Variants in SCAPER observed in about 807,000 individuals in gnomAD.
The protein encoded by SCAPER is S-phase cyclin A associated protein in the ER.
A neutral mutation model predicts 182.2 loss-of-function variants in SCAPER; 98 were observed. The observed-to-expected ratio is 0.54, with a 90% CI of 0.46 to 0.64. The LOEUF (loss-of-function observed/expected upper bound fraction) is 0.64. SCAPER is among the 30% of genes least tolerant of loss of function. The pLI is 0.00. For missense variants in SCAPER, 1,432 were observed against 1,690.0 expected (o/e 0.85, Z 2.68); for synonymous variants, 605 against 564.6 (o/e 1.07, Z -1.01).
intron 22 of SCAPER, among the ~76,000 whole-genome samples, chr15:76,608,853 G>GT: frequency 6.6e-6 from 1 of 152,216 alleles, no homozygotes; most frequent in East Asian, 1.9e-4. Context: ...CTGGTGTGCC[G>GT]TTTTTTAAGC....
At chr15:76,465,965 CACG>C (rs763866082) in intron 25 of SCAPER, among the ~76,000 whole-genome samples, 2 of 152,070 alleles carry the variant, frequency 1.3e-5, no homozygotes, top group African/African-American at 2.4e-5. Flanking sequence ...TTCCCTAGTA[CACG>C]ACAAGTCACT....
At chr15:76,575,075 C>G (rs1430195160) in intron 22 of SCAPER, among the ~76,000 whole-genome samples, 2 of 152,104 alleles carry the variant, frequency 1.3e-5, no homozygotes, top group East Asian at 3.9e-4. Context: ...CTCTGTTGTT[C>G]TGTTTTTTAC....
At chr15:76,526,664 T>C (rs1861985494) in intron 23 of SCAPER, among the ~76,000 whole-genome samples, 1 of 152,084 alleles carries the variant, frequency 6.6e-6, no homozygotes, top group Non-Finnish European at 1.5e-5. Flanking sequence ...AGCTATTAAT[T>C]CTACTTCCAG....
intron 15 of SCAPER, among the ~76,000 whole-genome samples, chr15:76,743,863 G>T (rs940763427): frequency 2.0e-5 from 3 of 152,112 alleles, no homozygotes; most frequent in African/African-American, 7.2e-5. Flanking sequence ...CAAAGCTTGA[G>T]GCATCACATT....
chr15:76,363,138 G>T (rs534938493), intron 29 of SCAPER, among the ~76,000 whole-genome samples: 1 of 152,310 alleles, frequency 6.6e-6, no homozygotes, highest in South Asian at 2.1e-4. Flanking sequence ...TGAATCCCCA[G>T]TTTCAACAGT....
rs998180467 is a variant in SCAPER, at chr15:76,348,566, T to C, written c.*67A>G. On this transcript the variant is annotated 3_prime_UTR_variant, in exon 32 of 32. Coordinates refer to ENST00000563290, the MANE Select transcript of SCAPER (RefSeq NM_020843.4). ...GGAAAATGAGTTCTTAAGGAACAAT[T>C]AGAATGTTTGTTTGGACAATTTAAA... The C allele has an allele frequency of 6.4e-6, 7 of 1,101,904 alleles. No homozygotes were observed. The African/African-American group carries it at 7.9e-5, about 12-fold the overall frequency. 68.3% of individuals were successfully genotyped at this position (1,101,904 alleles called of 1,614,324 possible). A position where few individuals can be genotyped will look rare whatever the true frequency, so the allele number is the denominator to read the frequency against.
At chr15:76,492,943 A>T (rs1480357941) in intron 24 of SCAPER, among the ~76,000 whole-genome samples, 1 of 151,474 alleles carries the variant, frequency 6.6e-6, no homozygotes, top group Non-Finnish European at 1.5e-5. Context: ...TGAAGAGGGA[A>T]AATTTCTCCT....
At chr15:76,755,509 C>T (rs1002336052) in intron 14 of SCAPER, among the ~76,000 whole-genome samples, 5 of 152,056 alleles carry the variant, frequency 3.3e-5, no homozygotes, top group Non-Finnish European at 7.4e-5. Context: ...CAGAAGGTAA[C>T]GAAAGAGTTC....
chr15:76,367,479 T>G (rs2041888172), intron 29 of SCAPER, among the ~76,000 whole-genome samples: 2 of 152,312 alleles, frequency 1.3e-5, no homozygotes, highest in Middle Eastern at 6.8e-3. Flanking sequence ...CATTTTCTTG[T>G]GTTGATTTGA....
chr15:76,711,518 A>T (rs924347077), intron 17 of SCAPER, among the ~76,000 whole-genome samples: 1 of 152,190 alleles, frequency 6.6e-6, no homozygotes, highest in African/African-American at 2.4e-5. Context: ...TAAAAAACTG[A>T]TCCACCAAAT....
At chr15:76,629,178 T>C (rs1597798749) in intron 21 of SCAPER, among the ~76,000 whole-genome samples, 1 of 152,246 alleles carries the variant, frequency 6.6e-6, no homozygotes, top group East Asian at 1.9e-4. Context: ...TGGGGTTTTC[T>C]AGATATAGGA....
chr15:76,863,036 A>G, intron 2 of SCAPER, among the ~76,000 whole-genome samples: 1 of 152,194 alleles, frequency 6.6e-6, no homozygotes, highest in East Asian at 1.9e-4. Context: ...TGCTGTTAAC[A>G]GGTAAATTTA....
At chr15:76,654,431 C>T (rs145655937) in intron 21 of SCAPER, among the ~76,000 whole-genome samples, 30 of 152,104 alleles carry the variant, frequency 2.0e-4, no homozygotes, top group South Asian at 4.2e-4. Flanking sequence ...AATGAGATAC[C>T]ATCTCATACC....
intron 26 of SCAPER, among the ~76,000 whole-genome samples, chr15:76,416,025 T>C (rs753171497): frequency 1.9e-4 from 29 of 152,276 alleles, no homozygotes; most frequent in Middle Eastern, 6.8e-3. Context: ...AATATTAAGA[T>C]GAAGGGTTAA....
At chr15:76,898,536 T>C (rs1385973361) in intron 1 of SCAPER, among the ~76,000 whole-genome samples, 4 of 152,224 alleles carry the variant, frequency 2.6e-5, no homozygotes, top group African/African-American at 9.6e-5. Flanking sequence ...GGTATATCCA[T>C]ATGATGGAAT....
At chr15:76,893,165 G>A (rs112693038) in intron 1 of SCAPER, among the ~76,000 whole-genome samples, 12 of 152,156 alleles carry the variant, frequency 7.9e-5, no homozygotes, top group African/African-American at 1.9e-4. Context: ...ATCACACACC[G>A]GAGCCTGTCA....
chr15:76,749,361 T>A (rs1023701788), intron 15 of SCAPER, among the ~76,000 whole-genome samples: 2 of 152,072 alleles, frequency 1.3e-5, no homozygotes, highest in Non-Finnish European at 2.9e-5. Context: ...ATAACAAACA[T>A]CTATGAAATG....
chr15:76,475,859 C>A (rs1176650574), intron 24 of SCAPER, among the ~76,000 whole-genome samples: 1 of 152,152 alleles, frequency 6.6e-6, no homozygotes, highest in East Asian at 1.9e-4. Flanking sequence ...AATTTGCTAA[C>A]TTTTTGAATA....
At chr15:76,398,607 T>C (rs1006287302) in intron 27 of SCAPER, among the ~76,000 whole-genome samples, 9 of 152,352 alleles carry the variant, frequency 5.9e-5, no homozygotes, top group East Asian at 5.8e-4. Context: ...ACATAATAAA[T>C]AGACTAAATC....
Sources: allele counts gnomAD v4.1 joint callset (sites outside exome capture counted in the v4.1 genomes callset), GRCh38; gene constraint gnomAD v4.1.1; transcripts MANE v1.5; gene names NCBI Gene and HGNC (gene_info 2026-07-23, HGNC 2026-07-21).